Variants in MICAL2 observed in about 807,000 individuals in gnomAD.
MICAL2 encodes the protein [F-actin]-monooxygenase MICAL2.
MICAL2 carries 77 observed loss-of-function variants against 127.3 expected under a neutral mutation model. That is an observed-to-expected ratio of 0.60 (90% CI 0.50 to 0.73). The LOEUF (loss-of-function observed/expected upper bound fraction) is 0.73, where lower values mean the gene tolerates loss of function less well. Among genes scored for constraint, MICAL2 ranks in the 30% least tolerant of loss-of-function variants. MICAL2 has a pLI of 0.00. For missense variants in MICAL2, 1,351 were observed against 1,434.4 expected, an observed-to-expected ratio of 0.94 and a Z score of 0.94; for synonymous variants, 570 against 551.1, an observed-to-expected ratio of 1.03 and a Z score of -0.48.
intron 33 of MICAL2, among the ~76,000 whole-genome samples, chr11:12,351,111 CCTTAA>C (rs1347379075): frequency 6.6e-6 from 1 of 152,290 alleles, no homozygotes; most frequent in South Asian, 2.1e-4. Context: ...ATCTTAAGAT[CCTTAA>C]CTTAATTGCA....
chr11:12,216,026 A>G lies in MICAL2; in HGVS notation c.848-193A>G, dbSNP rs142240024. ...AATAATGCCGCTATAGAACTATAGA[A>G]GCTAGCTGCTTTGACTTGGGTAGAT... On this transcript the variant is annotated intron_variant, in intron 7 of 27. Coordinates refer to ENST00000683283, the MANE Select transcript of MICAL2 (RefSeq NM_001282663.2). 5.3e-5 allele frequency among the ~76,000 whole-genome samples: 8 copies of G among 152,316 alleles called. No homozygotes were observed. The East Asian group carries it at 1.5e-3, about 29-fold the overall frequency.
chr11:12,147,631 C>G (rs1853082152), intron 2 of MICAL2, among the ~76,000 whole-genome samples: 1 of 152,160 alleles, frequency 6.6e-6, no homozygotes, highest in South Asian at 2.1e-4. Flanking sequence ...AAGGAAGAGC[C>G]AAATGGCGTG....
chr11:12,218,874 C>T (rs1856495940), intron 8 of MICAL2, among the ~76,000 whole-genome samples: 1 of 152,166 alleles, frequency 6.6e-6, no homozygotes, highest in Admixed American at 6.5e-5. Flanking sequence ...GGTGCCTTGG[C>T]TGGGTCCAGG....
intron 33 of MICAL2, among the ~76,000 whole-genome samples, chr11:12,351,677 G>T (rs948255802): frequency 2.0e-5 from 3 of 152,180 alleles, no homozygotes; most frequent in Admixed American, 6.5e-5. Flanking sequence ...GGAAGGGTAG[G>T]GTTGGGAGAG....
chr11:12,148,780 C>G (rs941755866), intron 2 of MICAL2, among the ~76,000 whole-genome samples: 1 of 151,876 alleles, frequency 6.6e-6, no homozygotes, highest in Non-Finnish European at 1.5e-5. Flanking sequence ...GCAAAACCAT[C>G]ATACAAACTT....
At chr11:12,113,638 A>C (rs1849770191) in intron 1 of MICAL2, among the ~76,000 whole-genome samples, 1 of 152,240 alleles carries the variant, frequency 6.6e-6, no homozygotes, top group African/African-American at 2.4e-5. Context: ...CGGAGACCAC[A>C]TTTACATCGC....
chr11:12,210,758 C>T (rs1018930948), intron 6 of MICAL2, among the ~76,000 whole-genome samples: 5 of 152,164 alleles, frequency 3.3e-5, no homozygotes, highest in African/African-American at 1.2e-4. Flanking sequence ...GTGATGGAGC[C>T]ATTTGAGCCA....
chr11:12,293,486 T>G, downstream of MICAL2: 3 of 1,485,476 alleles, frequency 2.0e-6, no homozygotes, highest in Non-Finnish European at 2.7e-6. Flanking sequence ...GGGTTGTAGA[T>G]TGAGATTTGC....
Position 12,129,461 on chromosome 11 carries a change from A to G in MICAL2, c.-148-8929A>G, listed in dbSNP as rs1378102756. 2.6e-5 allele frequency among the ~76,000 whole-genome samples: 4 copies of G among 152,052 alleles called. No individual in the cohort carries two copies. The East Asian group carries it at 7.7e-4, about 29-fold the overall frequency. On this transcript the variant is annotated intron_variant, in intron 1 of 27. Transcript: ENST00000683283. ...CAAAACGTGCAAGTGGAAGGTAATG[A>G]AACACGCACCCCCCTTCCTATCCCA...
chr11:12,147,181 C>T (rs971666036), intron 2 of MICAL2, among the ~76,000 whole-genome samples: 1 of 151,740 alleles, frequency 6.6e-6, no homozygotes, highest in Non-Finnish European at 1.5e-5. Context: ...GCACATTGTG[C>T]ACATGTACCC....
At chr11:12,319,856 C>T in intron 30 of MICAL2, 5 of 1,440,718 alleles carry the variant, frequency 3.5e-6, no homozygotes, top group Non-Finnish European at 4.9e-6. Flanking sequence ...CTGGTGGGGG[C>T]TGCTTACCAT....
downstream of MICAL2, among the ~76,000 whole-genome samples, chr11:12,293,055 G>C (rs1412988276): frequency 6.6e-6 from 1 of 152,260 alleles, no homozygotes; most frequent in Non-Finnish European, 1.5e-5. Flanking sequence ...CTTCAGCCCA[G>C]AGAGTGACTG....
intron 29 of MICAL2, among the ~76,000 whole-genome samples, chr11:12,314,596 A>T (rs1200896546): frequency 1.3e-5 from 2 of 150,246 alleles, no homozygotes; most frequent in Non-Finnish European, 3.0e-5. Context: ...CCCCTGCCTC[A>T]GCCTCCCGAG....
At position 12,236,257 on chromosome 11, in the gene MICAL2, C is replaced by T. The variant is rs1330695666; in HGVS notation, c.2064+12C>T. On this transcript the variant is annotated intron_variant, in intron 16 of 27. Transcript: ENST00000683283. ...CCAACCTGGACGAGGTTTGTGTACA[C>T]AGTGTGGCTTTAAACAGAGGCTCGT... 3 of 1,613,370 alleles carry T rather than the reference C, an allele frequency of 1.9e-6. No individual in the cohort carries two copies. Among genetic ancestry groups the T allele is most frequent in the Admixed American group, 1.7e-5 (1 of 60,000 alleles).
intron 2 of MICAL2, among the ~76,000 whole-genome samples, chr11:12,151,163 C>G (rs1853538233): frequency 6.6e-6 from 1 of 152,074 alleles, no homozygotes; most frequent in Admixed American, 6.5e-5. Context: ...CTTATCTGTT[C>G]TAGTCTCCTG....
chr11:12,254,987 C>T (rs1405400549), intron 22 of MICAL2: 2 of 136,916 alleles, frequency 1.5e-5, no homozygotes. Flanking sequence ...GGTACGATCT[C>T]AGCTCACTGC....
intron 2 of MICAL2, among the ~76,000 whole-genome samples, chr11:12,149,361 T>G (rs193009925): frequency 5.3e-5 from 8 of 152,328 alleles, no homozygotes; most frequent in Non-Finnish European, 1.0e-4. Flanking sequence ...GTCAGGGAGC[T>G]GTTGAAGGAT....
intron 6 of MICAL2, among the ~76,000 whole-genome samples, chr11:12,210,384 C>G (rs527324701): frequency 1.3e-5 from 2 of 152,258 alleles, no homozygotes; most frequent in South Asian, 4.1e-4. Flanking sequence ...TTGAGCCTGC[C>G]CCCTCAAGAG....
chr11:12,304,643 C>CAG (rs1864087152), intron 29 of MICAL2, among the ~76,000 whole-genome samples: 3 of 42,316 alleles, frequency 7.1e-5, no homozygotes, highest in African/African-American at 1.6e-4. Flanking sequence ...CTCAAACACA[C>CAG]ACACACACAC....
Sources: allele counts gnomAD v4.1 joint callset (sites outside exome capture counted in the v4.1 genomes callset), GRCh38; gene constraint gnomAD v4.1.1; transcripts MANE v1.5; gene names NCBI Gene and HGNC (gene_info 2026-07-23, HGNC 2026-07-21).